The following MPP7 variants were observed in gnomAD, a reference collection of about 807,000 sequenced individuals.
MPP7 encodes MAGUK p55 scaffold protein 7, also known as MAGUK p55 subfamily member 7.
In MPP7, 60 loss-of-function variants were observed where a neutral mutation model predicts 76.5. The ratio of observed to expected loss-of-function variants is 0.78; its 90% confidence interval spans 0.64 to 0.97. The LOEUF (loss-of-function observed/expected upper bound fraction) is 0.97, where lower values mean the gene tolerates loss of function less well. MPP7 is among the 50% of genes least tolerant of loss of function. The pLI, the probability that MPP7 is intolerant of heterozygous loss-of-function variation, is 0.00. For missense variants in MPP7, 641 were observed against 694.0 expected (o/e 0.92, Z 0.86); for synonymous variants, 237 against 244.5 (o/e 0.97, Z 0.29).
intron 5 of MPP7, among the ~76,000 whole-genome samples, chr10:28,136,460 A>G (rs1393768871): frequency 6.6e-6 from 1 of 152,196 alleles, no homozygotes; most frequent in African/African-American, 2.4e-5. Flanking sequence ...TAGGTATGCA[A>G]AGAAAGCAGA....
At chr10:28,307,599 G>T (rs1841266189), upstream of MPP7, 1 of 152,084 alleles carries the variant, frequency 6.6e-6, no homozygotes, top group South Asian at 2.1e-4. Flanking sequence ...TGAAAACTTG[G>T]GTGATCCCGA....
At chr10:28,330,833 T>G (rs1029157792) in intron 1 of MPP7, among the ~76,000 whole-genome samples, 8 of 152,136 alleles carry the variant, frequency 5.3e-5, no homozygotes, top group African/African-American at 1.7e-4. Context: ...TTTTTAGAAT[T>G]GTTTTTCGTA....
chr10:28,103,985 C>T (rs1281978288), intron 11 of MPP7, among the ~76,000 whole-genome samples: 1 of 151,912 alleles, frequency 6.6e-6, no homozygotes, highest in Non-Finnish European at 1.5e-5. Context: ...TTTTGACTGA[C>T]AAAACAGCAA....
chr10:28,074,013 C>T (rs1852365566), intron 12 of MPP7, among the ~76,000 whole-genome samples: 1 of 152,092 alleles, frequency 6.6e-6, no homozygotes. Flanking sequence ...AAATCATAAT[C>T]AGACAACTAG....
In MPP7 at chr10:28,109,982, T is replaced by A. The variant is rs201702118; in HGVS notation, c.952+9669A>T. ...AAGTTTAAAGTGATATTTTTAAACA[T>A]CATGCAGGGTTTTTTTAATTCCTCC... On this transcript the variant is annotated intron_variant, in intron 11 of 16. Transcript: ENST00000683449. Among the ~76,000 whole-genome samples, 6 of 151,272 alleles carry A rather than the reference T, an allele frequency of 4.0e-5. No homozygotes were observed. In the East Asian group the frequency reaches 1.2e-3, roughly 29 times the overall value.
At chr10:28,182,633 A>T (rs1026433303) in intron 3 of MPP7, among the ~76,000 whole-genome samples, 2 of 152,238 alleles carry the variant, frequency 1.3e-5, no homozygotes, top group African/African-American at 4.8e-5. Flanking sequence ...TGTACTCACA[A>T]GCCAACTTTC....
chr10:28,203,564 T>C (rs1022618806), intron 2 of MPP7, among the ~76,000 whole-genome samples: 1 of 151,816 alleles, frequency 6.6e-6, no homozygotes, highest in Non-Finnish European at 1.5e-5. Context: ...TTACATCTAT[T>C]CCCTTAAAAT....
chr10:28,196,058 A>G (rs764810095), intron 3 of MPP7, among the ~76,000 whole-genome samples: 41 of 152,216 alleles, frequency 2.7e-4, no homozygotes, highest in Non-Finnish European at 4.9e-4. Flanking sequence ...CATGGTTCAC[A>G]CTTATAACAA....
chr10:28,056,365 G>T, intron 16 of MPP7, 115 bp downstream of exon 16: 1 of 1,078,010 alleles, frequency 9.3e-7, no homozygotes, highest in Non-Finnish European at 1.3e-6. Flanking sequence ...CACCACCTTG[G>T]CCAGGCTGGT....
chr10:28,078,750 CATA>C (rs1394138624), intron 12 of MPP7, among the ~76,000 whole-genome samples: 1 of 152,154 alleles, frequency 6.6e-6, no homozygotes, highest in Non-Finnish European at 1.5e-5. Flanking sequence ...ATTAGAAAAG[CATA>C]ATACTACTTT....
chr10:28,092,590 T>TTTTTTTTTTTGG (rs1564626660), intron 11 of MPP7, among the ~76,000 whole-genome samples: 2 of 149,420 alleles, frequency 1.3e-5, no homozygotes, highest in African/African-American at 2.5e-5. Flanking sequence ...TTTTTTTTTT[T>TTTTTTTTTTTGG]GAGACAGGGA....
chr10:28,333,542 G>T (rs1164623617), intron 1 of MPP7, among the ~76,000 whole-genome samples: 2 of 152,172 alleles, frequency 1.3e-5, no homozygotes, highest in Non-Finnish European at 1.5e-5. Context: ...ACAGGAAAAG[G>T]TTACATGTAG....
chr10:28,082,766 GTC>G (rs1363397184), intron 12 of MPP7, among the ~76,000 whole-genome samples: 1 of 152,106 alleles, frequency 6.6e-6, no homozygotes, highest in Non-Finnish European at 1.5e-5. Context: ...ACTGCGCTCA[GTC>G]TCTTTTTTTA....
At chr10:28,096,963 G>A (rs1013427090) in intron 11 of MPP7, among the ~76,000 whole-genome samples, 6 of 151,898 alleles carry the variant, frequency 4.0e-5, no homozygotes, top group Admixed American at 3.9e-4. Context: ...GTGATTCTTG[G>A]TCTAAATTTA....
intron 2 of MPP7, among the ~76,000 whole-genome samples, chr10:28,321,266 C>T (rs703015): frequency 0.37 from 56,698 of 151,998 alleles, 11,641 homozygotes; most frequent in African/African-American, 0.54. Context: ...AAAATAGACA[C>T]CAAATGAGAA....
At chr10:28,246,663 G>A (rs749638357) in intron 1 of MPP7, among the ~76,000 whole-genome samples, 2 of 152,068 alleles carry the variant, frequency 1.3e-5, no homozygotes, top group African/African-American at 4.8e-5. Context: ...GGTGGCAGGC[G>A]AGACAAACAG....
At chr10:28,300,914 C>T (rs1237228971) in intron 1 of MPP7, among the ~76,000 whole-genome samples, 1 of 149,540 alleles carries the variant, frequency 6.7e-6, no homozygotes, top group Admixed American at 6.7e-5. Context: ...AGCCACAGCA[C>T]TCCAGCCTGG....
At chr10:28,162,484 C>G (rs1027985261) in intron 3 of MPP7, among the ~76,000 whole-genome samples, 1 of 152,054 alleles carries the variant, frequency 6.6e-6, no homozygotes, top group African/African-American at 2.4e-5. Flanking sequence ...TCTATACTTA[C>G]CGGGAAAGAG....
At chr10:28,117,959 G>C (rs2133595551) in intron 11 of MPP7, 1 of 239,940 alleles carries the variant, frequency 4.2e-6, no homozygotes, top group Admixed American at 6.5e-5. Flanking sequence ...AAAGAGAGGA[G>C]GACCAGCAAA....
Sources: allele counts gnomAD v4.1 joint callset (sites outside exome capture counted in the v4.1 genomes callset), GRCh38; gene constraint gnomAD v4.1.1; transcripts MANE v1.5; gene names NCBI Gene and HGNC (gene_info 2026-07-23, HGNC 2026-07-21).